APP: variants seen among roughly 807,000 people sequenced by gnomAD.
The protein encoded by APP is amyloid-beta precursor protein.
A neutral mutation model predicts 101.4 loss-of-function variants in APP; 31 were observed. The observed-to-expected ratio is 0.31, with a 90% CI of 0.23 to 0.41. APP has a LOEUF of 0.41. Ranked by LOEUF, APP falls within the 10% of genes least tolerant of loss-of-function variation. The pLI is 1.00. For synonymous variants in APP, 366 were observed against 364.4 expected, an observed-to-expected ratio of 1.00 and a Z score of -0.05; for missense variants, 839 against 1,003.7, an observed-to-expected ratio of 0.84 and a Z score of 2.22.
chr21:25,964,844 C>T (rs2041729534), intron 11 of APP, among the ~76,000 whole-genome samples: 1 of 152,298 alleles, frequency 6.6e-6, no homozygotes, highest in African/African-American at 2.4e-5. Flanking sequence ...AGGTGATCCA[C>T]CCGCCTTGGC....
At chr21:26,136,191 A>AAAGGAAGGAG (rs2062908529) in intron 1 of APP, among the ~76,000 whole-genome samples, 1 of 77,382 alleles carries the variant, frequency 1.3e-5, no homozygotes, top group Non-Finnish European at 2.2e-5. Context: ...GAAAGAAAGA[A>AAAGGAAGGAG]AGAAAGAAAG....
chr21:26,031,988 T>C (rs11910599), intron 5 of APP, among the ~76,000 whole-genome samples: 3,386 of 152,320 alleles, frequency 0.022, 114 homozygotes, highest in African/African-American at 0.078. Flanking sequence ...ACAGGGTTTA[T>C]AGCCCAAGGC....
At chr21:25,895,385 C>T (rs1411423622) in intron 16 of APP, among the ~76,000 whole-genome samples, 5 of 152,044 alleles carry the variant, frequency 3.3e-5, no homozygotes, top group Admixed American at 6.6e-5. Flanking sequence ...AGGATGCTCT[C>T]GACCTCCTGA....
chr21:26,133,557 G>C (rs772077875), intron 1 of APP, among the ~76,000 whole-genome samples: 1 of 152,112 alleles, frequency 6.6e-6, no homozygotes, highest in Non-Finnish European at 1.5e-5. Context: ...AGGCCGAGGC[G>C]GGTGGGATCA....
intron 2 of APP, among the ~76,000 whole-genome samples, chr21:26,101,022 A>G (rs2062043000): frequency 6.6e-6 from 1 of 151,930 alleles, no homozygotes; most frequent in African/African-American, 2.4e-5. Flanking sequence ...CCTAGCTCCA[A>G]GAAGTGCACT....
chr21:26,096,889 A>C (rs2061953790), intron 2 of APP, among the ~76,000 whole-genome samples: 1 of 152,224 alleles, frequency 6.6e-6, no homozygotes, highest in African/African-American at 2.4e-5. Context: ...CAGGAAAGGA[A>C]AACAGGGAAT....
Position 25,881,536 on chromosome 21 carries a change from C to G in APP, c.*134G>C. On this transcript the variant is annotated 3_prime_UTR_variant, in exon 18 of 18. Coordinates refer to ENST00000346798, the MANE Select transcript of APP (RefSeq NM_000484.4). ...TCAGGCATCTACTTGTGTTACAGCA[C>G]AGCTGTCAAAAGGCGATAATGAGTA... is the stretch of plus-strand genomic sequence containing the variant. The G allele has an allele frequency of 1.0e-6, 1 of 952,922 alleles. No homozygotes were observed. The highest frequency in any genetic ancestry group is 1.7e-6 in the Non-Finnish European group (1 of 597,048). 59.0% of individuals were successfully genotyped at this position (952,922 alleles called of 1,614,324 possible). A position where few individuals can be genotyped will look rare whatever the true frequency, so the allele number is the denominator to read the frequency against.
At chr21:25,909,296 A>C (rs573927367) in intron 14 of APP, among the ~76,000 whole-genome samples, 2 of 151,480 alleles carry the variant, frequency 1.3e-5, no homozygotes, top group Admixed American at 6.6e-5. Flanking sequence ...AAAATTGCTT[A>C]AGTGGCTTTT....
At chr21:25,955,603 A>G (rs751218334) in intron 12 of APP, 24 bp downstream of exon 12, 1 of 1,613,914 alleles carries the variant, frequency 6.2e-7, no homozygotes, top group South Asian at 1.1e-5. Flanking sequence ...AAAGCTGCAG[A>G]AGATGATTAT....
rs186345146 is a variant in APP at position 25,896,910 on chromosome 21, C to T, written c.2064+663G>A. Among the ~76,000 whole-genome samples the T allele has an allele frequency of 1.2e-3, 188 of 152,200 alleles. 1 individual carries two copies. The highest frequency in any genetic ancestry group is 8.1e-3 in the East Asian group (42 of 5,184). ...ATGAATGGGTAAAGGAAGACAGTTCCGGATGTGAATTTAAGCCACATAAAG... is the reference window on the plus strand; with the variant it reads ...ATGAATGGGTAAAGGAAGACAGTTCTGGATGTGAATTTAAGCCACATAAAG... On this transcript the variant is annotated intron_variant, in intron 16 of 17. Coordinates refer to ENST00000346798, the MANE Select transcript of APP (RefSeq NM_000484.4).
chr21:26,019,021 T>C (rs1378986813), intron 6 of APP, among the ~76,000 whole-genome samples: 2 of 152,148 alleles, frequency 1.3e-5, no homozygotes, highest in Non-Finnish European at 1.5e-5. Context: ...CTCAAGCAAA[T>C]TGTCTTGTTC....
chr21:25,905,007 T>G lies in APP; in HGVS notation c.1963+17A>C. 2 of 1,612,926 alleles carry G rather than the reference T, an allele frequency of 1.2e-6. No homozygotes were observed. The highest frequency in any genetic ancestry group is 1.7e-6 in the Non-Finnish European group (2 of 1,179,322). On this transcript the variant is annotated intron_variant, in intron 15 of 17. Transcript: ENST00000346798. Reference sequence around the variant, plus strand: ...GGCCCAAGATGCGGAGAGGCACAAGTCAAGCGGTTCTGATACCTGGTCGAG... The same window carrying G: ...GGCCCAAGATGCGGAGAGGCACAAGGCAAGCGGTTCTGATACCTGGTCGAG...
rs1261601095 is a variant in APP, at chr21:25,997,342, A to G, written c.1090+18T>C. The stretch of plus-strand genomic sequence containing the variant: ...TCCTCCTCCCCTCTTCCCTTCCCTC[A>G]GGTGAATGACAACGTACGTTTAACA... On this transcript the variant is annotated intron_variant, in intron 8 of 17. Transcript: ENST00000346798. 3 of 1,611,374 alleles carry G rather than the reference A, an allele frequency of 1.9e-6. No individual in the cohort carries two copies. The South Asian group carries it at 3.3e-5, about 18-fold the overall frequency.
intron 9 of APP, among the ~76,000 whole-genome samples, chr21:25,981,446 G>A (rs1048127474): frequency 6.6e-6 from 1 of 151,990 alleles, no homozygotes; most frequent in Non-Finnish European, 1.5e-5. Flanking sequence ...TTCACTCCTA[G>A]GTTTGTAGAC....
chr21:26,082,680 A>G (rs1408626002), intron 3 of APP, among the ~76,000 whole-genome samples: 1 of 152,080 alleles, frequency 6.6e-6, no homozygotes, highest in Non-Finnish European at 1.5e-5. Flanking sequence ...TTGAAATCTT[A>G]TCCTTGAAAT....
At chr21:25,981,915 T>G (rs2042447291) in intron 9 of APP, among the ~76,000 whole-genome samples, 1 of 152,172 alleles carries the variant, frequency 6.6e-6, no homozygotes, top group Non-Finnish European at 1.5e-5. Context: ...AGCTCAGTTT[T>G]AAGTCTCTAT....
At chr21:25,937,834 G>A (rs117890694) in intron 13 of APP, 6,837 of 152,246 alleles carry the variant, frequency 0.045, 204 homozygotes, top group Middle Eastern at 0.065. Flanking sequence ...TAGTGGTGCC[G>A]CCAGGCCTCA....
At chr21:26,021,731 C>A in intron 6 of APP, 109 bp downstream of exon 6, 4 of 1,449,750 alleles carry the variant, frequency 2.8e-6, no homozygotes, top group Non-Finnish European at 2.8e-6. Context: ...GAAAAAAAAA[C>A]ATGTTTTTGA....
chr21:26,128,951 C>CAGG (rs1372511806), intron 1 of APP, among the ~76,000 whole-genome samples: 7 of 152,126 alleles, frequency 4.6e-5, no homozygotes, highest in African/African-American at 1.7e-4. Flanking sequence ...GGAACAAAAG[C>CAGG]AGGAGTGTTA....
Sources: gnomAD v4.1 joint callset for allele counts (sites outside exome capture counted in the v4.1 genomes callset) on GRCh38, gnomAD v4.1.1 for gene constraint, MANE v1.5 for transcripts, NCBI Gene and HGNC (gene_info 2026-07-23, HGNC 2026-07-21) for gene names.